Variants in CENPP observed in about 807,000 individuals in gnomAD.
CENPP encodes centromere protein P.
A neutral mutation model predicts 35.6 loss-of-function variants in CENPP; 24 were observed. The ratio of observed to expected loss-of-function variants is 0.67; its 90% CI spans 0.49 to 0.95. CENPP has a LOEUF of 0.95. Ranked by LOEUF, CENPP falls within the 40% of genes least tolerant of loss-of-function variation. CENPP has a pLI of 0.00. For missense variants in CENPP, 332 were observed against 345.3 expected (o/e 0.96, Z 0.31); for synonymous variants, 120 against 125.5 (o/e 0.96, Z 0.29).
At position 92,617,732 on chromosome 9, in the gene CENPP, G is replaced by A. The variant is rs1851488649; in HGVS notation, c.*4583G>A. 1 of 165,854 alleles carries A rather than the reference G, an allele frequency of 6.0e-6. No individual in the cohort carries two copies. Among genetic ancestry groups the A allele is most frequent in the South Asian group, 1.6e-4 (1 of 6,160 alleles). The allele number at this position is 165,854 out of a possible 1,614,324, so 10.3% of individuals were successfully genotyped here. Reference sequence around the variant, plus strand: ...TGGGGATCGGGGTGGAGAAGCCAAGGCCGCACACTGTGTTTCAAATGGGAG... The same window carrying A: ...TGGGGATCGGGGTGGAGAAGCCAAGACCGCACACTGTGTTTCAAATGGGAG... On this transcript the variant is annotated 3_prime_UTR_variant, in exon 8 of 8. Transcript: ENST00000375587.
intron 5 of CENPP, among the ~76,000 whole-genome samples, chr9:92,386,797 T>G (rs1291871106): frequency 6.6e-6 from 1 of 152,058 alleles, no homozygotes; most frequent in East Asian, 1.9e-4. Context: ...TTGGCTGGTA[T>G]GGTATCGATT....
chr9:92,422,470 AAAG>A (rs1843836449), intron 5 of CENPP, among the ~76,000 whole-genome samples: 1 of 152,200 alleles, frequency 6.6e-6, no homozygotes, highest in South Asian at 2.1e-4. Context: ...TGTTGGGAAA[AAAG>A]AAGAAGGCCT....
intron 5 of CENPP, among the ~76,000 whole-genome samples, chr9:92,532,029 A>ATTTTTTTTTTTTTTTTTTTTTT (rs201461115): frequency 5.5e-5 from 5 of 91,050 alleles, no homozygotes; most frequent in Admixed American, 2.2e-4. Context: ...TTTTTTTTTT[A>ATTTTTTTTTTTTTTTTTTTTTT]TTTTATTTTT....
At chr9:92,390,563 A>AGTGTGTGTGTGT (rs61628295) in intron 5 of CENPP, among the ~76,000 whole-genome samples, 57 of 150,554 alleles carry the variant, frequency 3.8e-4, no homozygotes, top group African/African-American at 1.1e-3. Flanking sequence ...AGAGAAATTC[A>AGTGTGTGTGTGT]GTGTGTGTGT....
At chr9:92,598,743 G>A (rs1850839188) in intron 5 of CENPP, among the ~76,000 whole-genome samples, 1 of 137,070 alleles carries the variant, frequency 7.3e-6, no homozygotes, top group Non-Finnish European at 1.6e-5. Flanking sequence ...ATAACTGAAG[G>A]GGTTTTTTTT....
chr9:92,522,211 C>G (rs756864457), intron 5 of CENPP, among the ~76,000 whole-genome samples: 1 of 151,890 alleles, frequency 6.6e-6, no homozygotes, highest in Non-Finnish European at 1.5e-5. Context: ...CTCAGCCTCC[C>G]GAGTAGCTGG....
chr9:92,494,926 T>C (rs1302746291), intron 5 of CENPP, among the ~76,000 whole-genome samples: 1 of 152,024 alleles, frequency 6.6e-6, no homozygotes, highest in Non-Finnish European at 1.5e-5. Context: ...AATAATAACA[T>C]TATGGAATAA....
At chr9:92,484,471 C>T (rs1846008090) in intron 5 of CENPP, among the ~76,000 whole-genome samples, 1 of 152,166 alleles carries the variant, frequency 6.6e-6, no homozygotes, top group African/African-American at 2.4e-5. Context: ...ATAGTATTCT[C>T]ATACATGAAT....
intron 5 of CENPP, among the ~76,000 whole-genome samples, chr9:92,545,781 A>G (rs1271122902): frequency 6.6e-6 from 1 of 152,248 alleles, no homozygotes; most frequent in Non-Finnish European, 1.5e-5. Context: ...TAGATATACC[A>G]GTCAGCACTC....
At chr9:92,588,902 C>T (rs916218024) in intron 5 of CENPP, among the ~76,000 whole-genome samples, 3 of 152,028 alleles carry the variant, frequency 2.0e-5, no homozygotes, top group South Asian at 2.1e-4. Context: ...TAGTCTGAGA[C>T]GCCCATGAGA....
At chr9:92,385,521 C>T in intron 5 of CENPP, 1 of 989,726 alleles carries the variant, frequency 1.0e-6, no homozygotes, top group Non-Finnish European at 1.5e-6. Context: ...AAATGAGATA[C>T]AAGGTTAATA....
At chr9:92,331,375 T>A (rs1161246030) in intron 1 of CENPP, among the ~76,000 whole-genome samples, 1 of 152,008 alleles carries the variant, frequency 6.6e-6, no homozygotes, top group Non-Finnish European at 1.5e-5. Context: ...AGACATGGGG[T>A]TTCACTGTGT....
At chr9:92,517,085 C>CA (rs1847773585) in intron 5 of CENPP, 1 of 125,138 alleles carries the variant, frequency 8.0e-6, no homozygotes, top group African/African-American at 4.5e-5. Flanking sequence ...AGAAGGGGTC[C>CA]ATGAGCAGCC....
chr9:92,544,286 G>T (rs563988263), intron 5 of CENPP, among the ~76,000 whole-genome samples: 1 of 152,242 alleles, frequency 6.6e-6, no homozygotes, highest in African/African-American at 2.4e-5. Context: ...GGCCAGCCTG[G>T]CTAACTTGAC....
intron 5 of CENPP, among the ~76,000 whole-genome samples, chr9:92,570,921 G>T (rs1417225487): frequency 6.6e-6 from 1 of 152,128 alleles, no homozygotes; most frequent in Admixed American, 6.5e-5. Context: ...GATTGGTGGT[G>T]ATATCCCCTT....
At chr9:92,493,576 T>A (rs1846230354) in intron 5 of CENPP, 1 of 152,258 alleles carries the variant, frequency 6.6e-6, no homozygotes, top group Non-Finnish European at 1.5e-5. Flanking sequence ...GACCAGGACT[T>A]CTTTAGTGTA....
intron 1 of CENPP, among the ~76,000 whole-genome samples, chr9:92,330,439 A>G (rs1007956673): frequency 6.6e-6 from 1 of 152,166 alleles, no homozygotes; most frequent in East Asian, 1.9e-4. Context: ...AGCAGAAGTA[A>G]GAGTGTTAGG....
At chr9:92,508,573 G>T (rs532385674) in intron 5 of CENPP, among the ~76,000 whole-genome samples, 2 of 152,288 alleles carry the variant, frequency 1.3e-5, no homozygotes, top group African/African-American at 4.8e-5. Context: ...GTTCTAAATT[G>T]CTGACACCCT....
intron 5 of CENPP, among the ~76,000 whole-genome samples, chr9:92,582,220 A>AT (rs1850443633): frequency 6.6e-6 from 1 of 151,830 alleles, no homozygotes; most frequent in African/African-American, 2.4e-5. Flanking sequence ...TGCCCGGCTA[A>AT]TTTTTTTGTA....
Sources: allele counts gnomAD v4.1 joint callset (sites outside exome capture counted in the v4.1 genomes callset), GRCh38; gene constraint gnomAD v4.1.1; transcripts MANE v1.5; gene names NCBI Gene and HGNC (gene_info 2026-07-23, HGNC 2026-07-21).